The following RARS2 variants were observed in gnomAD, a reference collection of about 807,000 sequenced individuals.
The protein encoded by RARS2 is arginyl-tRNA synthetase 2, mitochondrial, also known as probable arginine--tRNA ligase, mitochondrial.
RARS2 carries 67 observed loss-of-function variants against 88.5 expected under a neutral mutation model. The observed-to-expected ratio is 0.76, with a 90% CI of 0.62 to 0.93. The LOEUF (loss-of-function observed/expected upper bound fraction) is 0.93. Ranked by LOEUF, RARS2 falls within the 40% of genes least tolerant of loss-of-function variation. The probability of loss-of-function intolerance (pLI) is 0.00; values close to 1 mark genes in which losing one functional copy is unlikely to be tolerated. For missense variants in RARS2, 664 were observed against 684.2 expected (o/e 0.97, Z 0.33); for synonymous variants, 239 against 230.3 (o/e 1.04, Z -0.34).
intron 18 of RARS2, among the ~76,000 whole-genome samples, chr6:87,515,261 C>A (rs1054520211): frequency 7.9e-5 from 12 of 152,172 alleles, no homozygotes; most frequent in Admixed American, 6.5e-5. Flanking sequence ...GTGGCTCACG[C>A]CTGTAATCCC....
At chr6:87,525,170 C>T (rs16879517) in intron 10 of RARS2, among the ~76,000 whole-genome samples, 9,708 of 152,218 alleles carry the variant, frequency 0.064, 394 homozygotes, top group African/African-American at 0.12. Flanking sequence ...ATCTTCCTTA[C>T]AAATATGACA....
intron 16 of RARS2, 147 bp downstream of exon 16, chr6:87,518,483 T>TTG: frequency 7.4e-7 from 1 of 1,344,772 alleles, no homozygotes; most frequent in Non-Finnish European, 1.0e-6. Flanking sequence ...AAATTTTTTT[T>TTG]TTTTCCTAAA....
intron 8 of RARS2, among the ~76,000 whole-genome samples, chr6:87,536,925 T>C (rs961570347): frequency 6.6e-6 from 1 of 152,146 alleles, no homozygotes; most frequent in Non-Finnish European, 1.5e-5. Flanking sequence ...AACAGCTAGA[T>C]GTCATGGGAA....
intron 8 of RARS2, among the ~76,000 whole-genome samples, chr6:87,533,097 GTTTC>G (rs918010072): frequency 2.6e-5 from 4 of 151,518 alleles, no homozygotes; most frequent in African/African-American, 4.8e-5. Flanking sequence ...AAAGAGTTTA[GTTTC>G]TTTTTTTTTT....
chr6:87,538,796 G>T (rs1373959832), intron 8 of RARS2, among the ~76,000 whole-genome samples: 1 of 152,144 alleles, frequency 6.6e-6, no homozygotes, highest in Non-Finnish European at 1.5e-5. Flanking sequence ...CACTTTGGGA[G>T]TTTGAGGCAG....
chr6:87,536,170 AAG>A (rs1435914900), intron 8 of RARS2, among the ~76,000 whole-genome samples: 1 of 152,186 alleles, frequency 6.6e-6, no homozygotes, highest in Non-Finnish European at 1.5e-5. Flanking sequence ...AGCAAAAAAA[AAG>A]GTTAATATGC....
Position 87,555,490 on chromosome 6 carries a change from C to T in RARS2, c.313G>A (p.Val105Ile), listed in dbSNP as rs1315332612. ...CCATATTTTGAGCCATCTTCAATTA[C>T]TTGTTGTAGCACTGTCTGAAAATTA... ...ELLTKTVLQQ[V>I]IEDGSKYGLK... The change falls in exon 5 of 20, where the codon GTA (valine) becomes ATA (isoleucine). Residue 105 changes from valine (V) to isoleucine (I), a missense_variant. Coordinates refer to ENST00000369536, the MANE Select transcript of RARS2 (RefSeq NM_020320.5). The T allele has an allele frequency of 6.2e-7, 1 of 1,612,480 alleles. No individual in the cohort carries two copies. The highest frequency in any genetic ancestry group is 1.7e-5 in the Admixed American group (1 of 60,014).
chr6:87,581,969 A>G (rs1773623827), intron 1 of RARS2, among the ~76,000 whole-genome samples: 1 of 152,158 alleles, frequency 6.6e-6, no homozygotes, highest in South Asian at 2.1e-4. Context: ...TCCATGGTGT[A>G]TATGTACCAA....
intron 1 of RARS2, among the ~76,000 whole-genome samples, chr6:87,577,590 G>A (rs1339281063): frequency 6.6e-6 from 1 of 152,130 alleles, no homozygotes; most frequent in Non-Finnish European, 1.5e-5. Flanking sequence ...CTTAAATACA[G>A]CCAATTAAGC....
chr6:87,569,916 A>G (rs893246336), intron 1 of RARS2, among the ~76,000 whole-genome samples: 1 of 152,024 alleles, frequency 6.6e-6, no homozygotes, highest in Non-Finnish European at 1.5e-5. Flanking sequence ...AAGTATGGCA[A>G]GAGAGGAGAT....
At chr6:87,548,783 A>G in intron 5 of RARS2, 137 bp from the exon 6 acceptor site, 1 of 759,452 alleles carries the variant, frequency 1.3e-6, no homozygotes, top group South Asian at 1.8e-5. Flanking sequence ...TAAAAGTTAA[A>G]AATTTAGAGC....
At chr6:87,560,781 G>A (rs1263234818) in intron 4 of RARS2, among the ~76,000 whole-genome samples, 1 of 152,174 alleles carries the variant, frequency 6.6e-6, no homozygotes, top group Non-Finnish European at 1.5e-5. Context: ...CAGCTACCTG[G>A]GGAGGCAGAG....
At chr6:87,542,672 A>C (rs916189457) in intron 7 of RARS2, among the ~76,000 whole-genome samples, 6 of 151,724 alleles carry the variant, frequency 4.0e-5, no homozygotes, top group African/African-American at 1.2e-4. Context: ...AAAAAAAAAA[A>C]CCCAAACACC....
chr6:87,530,307 C>T (rs946470678), intron 9 of RARS2, among the ~76,000 whole-genome samples: 7 of 152,180 alleles, frequency 4.6e-5, no homozygotes, highest in African/African-American at 1.7e-4. Flanking sequence ...ACCTGATCTC[C>T]CCAGCTAGCA....
intron 4 of RARS2, 26 bp from the exon 5 acceptor site, chr6:87,555,531 A>G: frequency 6.7e-7 from 1 of 1,502,164 alleles, no homozygotes; most frequent in East Asian, 2.3e-5. Context: ...CTGTAATTTA[A>G]TGAACAAAAA....
At chr6:87,581,320 T>A (rs1773415364) in intron 1 of RARS2, among the ~76,000 whole-genome samples, 5 of 152,146 alleles carry the variant, frequency 3.3e-5, no homozygotes, top group Admixed American at 3.3e-4. Flanking sequence ...TTTATCCACA[T>A]TAACATAATC....
chr6:87,553,247 A>AT (rs71554735), intron 5 of RARS2, among the ~76,000 whole-genome samples: 9,858 of 152,194 alleles, frequency 0.065, 401 homozygotes, highest in African/African-American at 0.12. Flanking sequence ...AGAGAAGTAA[A>AT]GAGCCATTTT....
In RARS2 at chr6:87,514,244, G is replaced by A. The variant is rs867144385; in HGVS notation, c.*169C>T. 3 of 467,550 alleles carry A rather than the reference G, an allele frequency of 6.4e-6. No individual in the cohort carries two copies. The highest frequency in any genetic ancestry group is 3.3e-5 in the Admixed American group (1 of 29,952). The allele number at this position is 467,550 out of a possible 1,614,324, so 29.0% of individuals were successfully genotyped here. On this transcript the variant is annotated 3_prime_UTR_variant, in exon 20 of 20. Coordinates refer to ENST00000369536, the MANE Select transcript of RARS2 (RefSeq NM_020320.5). ...GAGAATTGCTTGAACCTGGGAGGTG[G>A]AGGTTGCAGTGAGCCAACATCACAC...
Position 87,545,658 on chromosome 6 carries a change from C to A in RARS2, c.493G>T (p.Val165Leu). Reference protein sequence around the residue: ...ANLKEALGHQVIRINYLGDWG... With the variant: ...ANLKEALGHQLIRINYLGDWG... ...TCGCCAAGGTAATTTATTCTTATTA[C>A]TTGATGTCCTAAAGCTTCTTTGAGA... The change falls in exon 7 of 20, where the codon GTA (valine) becomes TTA (leucine). Residue 165 changes from valine (V) to leucine (L), a missense_variant. Coordinates refer to ENST00000369536, the MANE Select transcript of RARS2 (RefSeq NM_020320.5). 5 of 1,613,692 alleles carry A rather than the reference C, an allele frequency of 3.1e-6. No individual in the cohort carries two copies. The highest frequency in any genetic ancestry group is 4.2e-6 in the Non-Finnish European group (5 of 1,179,864).
Sources: allele counts gnomAD v4.1 joint callset (sites outside exome capture counted in the v4.1 genomes callset), GRCh38; gene constraint gnomAD v4.1.1; transcripts MANE v1.5; gene names NCBI Gene and HGNC (gene_info 2026-07-23, HGNC 2026-07-21).